The following AGAP1 variants were observed in gnomAD, a reference collection of about 807,000 sequenced individuals.
AGAP1 encodes ArfGAP with GTPase domain, ankyrin repeat and PH domain 1.
Under a neutral mutation model 105.3 loss-of-function variants are expected in AGAP1, and 29 were observed. That is an observed-to-expected ratio of 0.28 (90% CI 0.21 to 0.38). The LOEUF is 0.38. AGAP1 is among the 10% of genes least tolerant of loss of function. The pLI is 1.00. For missense variants in AGAP1, 998 were observed against 1,165.1 expected, an observed-to-expected ratio of 0.86 and a Z score of 2.09; for synonymous variants, 509 against 485.9, an observed-to-expected ratio of 1.05 and a Z score of -0.63.
intron 1 of AGAP1, among the ~76,000 whole-genome samples, chr2:235,499,655 G>A (rs1284576462): frequency 2.0e-5 from 3 of 152,138 alleles, no homozygotes; most frequent in Non-Finnish European, 2.9e-5. Flanking sequence ...TTGAGATGCC[G>A]CCTTCTCTGC....
At chr2:236,116,314 C>A (rs1040730110) in intron 16 of AGAP1, among the ~76,000 whole-genome samples, 1 of 150,224 alleles carries the variant, frequency 6.7e-6, no homozygotes, top group South Asian at 2.1e-4. Flanking sequence ...GATTTTTTTT[C>A]CATAAGTTAT....
At chr2:235,820,749 G>A (rs1575552266) in intron 9 of AGAP1, among the ~76,000 whole-genome samples, 1 of 152,346 alleles carries the variant, frequency 6.6e-6, no homozygotes, top group East Asian at 1.9e-4. Context: ...GCCAAGTAAT[G>A]ATTAGGCAAT....
chr2:235,682,760 C>T (rs1047023714), intron 1 of AGAP1, among the ~76,000 whole-genome samples: 1 of 150,356 alleles, frequency 6.7e-6, no homozygotes, highest in Non-Finnish European at 1.5e-5. Context: ...ACCTGCTGGG[C>T]ACTGGTGAGT....
intron 9 of AGAP1, among the ~76,000 whole-genome samples, chr2:235,841,410 C>T (rs950481404): frequency 6.6e-6 from 1 of 152,152 alleles, no homozygotes; most frequent in African/African-American, 2.4e-5. Context: ...GAGTGGATCC[C>T]TTGACCCCAG....
chr2:235,588,036 C>T (rs1467784521), intron 1 of AGAP1, among the ~76,000 whole-genome samples: 1 of 152,088 alleles, frequency 6.6e-6, no homozygotes, highest in African/African-American at 2.4e-5. Flanking sequence ...TTGAGACCAG[C>T]CTTACCAAGA....
Position 235,801,131 on chromosome 2 carries a change from C to G in AGAP1, c.957+1609C>G, listed in dbSNP as rs1191149035. Reference sequence around the variant, plus strand: ...GCCTCCCCTTGCTTTTGCTAGTTGCCTTGCGCCACATCAGCTCCCACAGAG... The same window carrying G: ...GCCTCCCCTTGCTTTTGCTAGTTGCGTTGCGCCACATCAGCTCCCACAGAG... On this transcript the variant is annotated intron_variant, in intron 8 of 17. Coordinates refer to ENST00000304032, the MANE Select transcript of AGAP1 (RefSeq NM_001037131.3). The surrounding 1 kb of genome is among the most constrained non-coding windows in gnomAD (Gnocchi z 6.0). 6.6e-6 allele frequency among the ~76,000 whole-genome samples: 1 copy of G among 152,210 alleles called. No individual in the cohort carries two copies. The highest frequency in any genetic ancestry group is 6.5e-5 in the Admixed American group (1 of 15,290).
rs149470167 is a variant in AGAP1, at chr2:235,965,321, G to C, written c.1484-3141G>C. Among the ~76,000 whole-genome samples the C allele has an allele frequency of 1.6e-4, 24 of 152,326 alleles. 1 individual carries two copies. The East Asian group carries it at 4.6e-3, about 29-fold the overall frequency. On this transcript the variant is annotated intron_variant, in intron 12 of 17. Transcript: ENST00000304032. This position sits in a 1 kb window ranked among gnomAD's most constrained non-coding sequence, Gnocchi z 5.8. The stretch of plus-strand genomic sequence containing the variant: ...AGAATGCCCCTGTGGACGTAGGGAG[G>C]AGAGGCAGGAAAACATGGCATCTTG...
Position 236,014,198 on chromosome 2 carries a change from C to T in AGAP1, c.1646-22363C>T, listed in dbSNP as rs188520215. Among the ~76,000 whole-genome samples, 50 of 152,310 alleles carry T rather than the reference C, an allele frequency of 3.3e-4. No homozygotes were observed. Among genetic ancestry groups the T allele is most frequent in the African/African-American group, 9.9e-4 (41 of 41,584 alleles). ...GCTCCATTTAGAGCCGTAACTCCCC[C>T]GAGTGTCAAAGAGAATAGACTCCTC... On this transcript the variant is annotated intron_variant, in intron 13 of 17. Coordinates refer to ENST00000304032, the MANE Select transcript of AGAP1 (RefSeq NM_001037131.3). The surrounding 1 kb of genome is among the most constrained non-coding windows in gnomAD (Gnocchi z 6.3).
At chr2:235,571,975 TAC>T (rs371181654) in intron 1 of AGAP1, among the ~76,000 whole-genome samples, 243 of 79,008 alleles carry the variant, frequency 3.1e-3, no homozygotes, top group Middle Eastern at 8.9e-3. Flanking sequence ...TATATATGTA[TAC>T]ACACACACAC....
At chr2:235,742,944 A>G (rs1952676508) in intron 4 of AGAP1, among the ~76,000 whole-genome samples, 1 of 152,216 alleles carries the variant, frequency 6.6e-6, no homozygotes. Flanking sequence ...AGGCAGGCAG[A>G]TCACCTGAGG....
chr2:235,969,299 C>T (rs1282508140), intron 13 of AGAP1, among the ~76,000 whole-genome samples: 1 of 151,604 alleles, frequency 6.6e-6, no homozygotes, highest in Non-Finnish European at 1.5e-5. Context: ...GATAGGTAAG[C>T]GCATGCGTAC....
rs1260223986 is a variant in AGAP1, at chr2:235,879,571, G to A, written c.1051-3774G>A. On this transcript the variant is annotated intron_variant, in intron 9 of 17. Coordinates refer to ENST00000304032, the MANE Select transcript of AGAP1 (RefSeq NM_001037131.3). The surrounding 1 kb of genome is among the most constrained non-coding windows in gnomAD (Gnocchi z 5.0). ...TTAAGTTTATTGAGAGTTTTCCTAG[G>A]ATCAAAAGAAAATCAGCGTAGGCCT... is the stretch of plus-strand genomic sequence containing the variant. 6.6e-6 allele frequency among the ~76,000 whole-genome samples: 1 copy of A among 152,082 alleles called. No homozygotes were observed. The highest frequency in any genetic ancestry group is 2.4e-5 in the African/African-American group (1 of 41,394).
At chr2:235,672,909 G>A (rs958271108) in intron 1 of AGAP1, among the ~76,000 whole-genome samples, 1 of 152,202 alleles carries the variant, frequency 6.6e-6, no homozygotes, top group Admixed American at 6.5e-5. Context: ...GTAATGCTCA[G>A]TTTGTTCCTT....
intron 1 of AGAP1, among the ~76,000 whole-genome samples, chr2:235,497,893 G>A (rs1326825084): frequency 3.3e-5 from 5 of 152,088 alleles, no homozygotes; most frequent in South Asian, 2.1e-4. Flanking sequence ...ACCGTGCCCG[G>A]CCGGGCACTT....
rs1400743227 is a variant in AGAP1 at position 235,930,754 on chromosome 2, T to C, written c.1325-11T>C. On this transcript the variant is annotated splice_polypyrimidine_tract_variant and intron_variant, in intron 11 of 17. Coordinates refer to ENST00000304032, the MANE Select transcript of AGAP1 (RefSeq NM_001037131.3). This position sits in a 1 kb window ranked among gnomAD's most constrained non-coding sequence, Gnocchi z 7.9. ...TCCGCGGTGGTGTTCACCTGACTTG[T>C]TTATTCCTAGGGAATGTCACTAGTG... is the stretch of plus-strand genomic sequence containing the variant. 6 of 1,612,912 alleles carry C rather than the reference T, an allele frequency of 3.7e-6. No individual in the cohort carries two copies. Among genetic ancestry groups the C allele is most frequent in the Non-Finnish European group, 5.1e-6 (6 of 1,179,558 alleles).
chr2:236,007,023 A>G (rs564703291), intron 13 of AGAP1, among the ~76,000 whole-genome samples: 1 of 152,332 alleles, frequency 6.6e-6, no homozygotes, highest in African/African-American at 2.4e-5. Flanking sequence ...AGAGCCTGCT[A>G]AAAAAGTTGT....
intron 3 of AGAP1, among the ~76,000 whole-genome samples, chr2:235,727,691 C>T (rs1045050424): frequency 3.3e-5 from 5 of 152,210 alleles, no homozygotes; most frequent in Non-Finnish European, 7.3e-5. Flanking sequence ...ACCACTCCTC[C>T]TCTCCGCTTC....
At position 236,089,503 on chromosome 2, in the gene AGAP1, G is replaced by C. The variant is rs373762369; in HGVS notation, c.2115-30689G>C. 1.3e-4 allele frequency among the ~76,000 whole-genome samples: 20 copies of C among 152,348 alleles called. 1 individual carries two copies. The East Asian group carries it at 2.9e-3, about 22-fold the overall frequency. The stretch of plus-strand genomic sequence containing the variant: ...GTAGCAACTGGGAGGTGGCCTGATG[G>C]CCTGCGCCTGTTGCCGTTGATGAGA... On this transcript the variant is annotated intron_variant, in intron 16 of 17. Coordinates refer to ENST00000304032, the MANE Select transcript of AGAP1 (RefSeq NM_001037131.3). The surrounding 1 kb of genome is among the most constrained non-coding windows in gnomAD (Gnocchi z 5.6).
chr2:235,995,951 T>C (rs1462017577), intron 13 of AGAP1, among the ~76,000 whole-genome samples: 1 of 152,124 alleles, frequency 6.6e-6, no homozygotes, highest in Non-Finnish European at 1.5e-5. Flanking sequence ...TCAGCCTCAA[T>C]AAAAGACCAG....
Sources: gnomAD v4.1 joint callset for allele counts (sites outside exome capture counted in the v4.1 genomes callset) on GRCh38, gnomAD v4.1.1 for gene constraint, Gnocchi (gnomAD v3.1) non-coding constraint, MANE v1.5 for transcripts, NCBI Gene and HGNC (gene_info 2026-07-23, HGNC 2026-07-21) for gene names.